Variants in SGIP1 observed in about 807,000 individuals in gnomAD.
SGIP1 encodes SH3GL interacting endocytic adaptor 1, also known as SH3-containing GRB2-like protein 3-interacting protein 1.
A neutral mutation model predicts 107.5 loss-of-function variants in SGIP1; 38 were observed. The observed-to-expected ratio is 0.35, with a 90% CI of 0.27 to 0.46. SGIP1 has a LOEUF of 0.46. Among genes scored for constraint, SGIP1 ranks in the 20% least tolerant of loss-of-function variants. The probability of loss-of-function intolerance (pLI) is 1.00; values close to 1 mark genes in which losing one functional copy is unlikely to be tolerated. For synonymous variants in SGIP1, 365 were observed against 366.1 expected (o/e 1.00, Z 0.03); for missense variants, 929 against 1,019.5 (o/e 0.91, Z 1.21).
At chr1:66,693,037 T>G (rs909958011) in intron 17 of SGIP1, among the ~76,000 whole-genome samples, 5 of 152,146 alleles carry the variant, frequency 3.3e-5, no homozygotes, top group African/African-American at 9.7e-5. Context: ...GGAGAAAAAC[T>G]ACTGGTTGAG....
At chr1:66,642,715 T>C in intron 5 of SGIP1, 95 bp from the exon 6 acceptor site, 1 of 1,075,152 alleles carries the variant, frequency 9.3e-7, no homozygotes, top group South Asian at 2.0e-5. Flanking sequence ...AAGAAAAGAC[T>C]TTTCTATATC....
intron 18 of SGIP1, among the ~76,000 whole-genome samples, chr1:66,715,042 G>A (rs1276536510): frequency 1.3e-5 from 2 of 152,020 alleles, no homozygotes; most frequent in African/African-American, 2.4e-5. Flanking sequence ...TGGTATTCTT[G>A]TCAATTAAAC....
At chr1:66,653,469 G>T (rs1418769438) in intron 7 of SGIP1, among the ~76,000 whole-genome samples, 1 of 152,122 alleles carries the variant, frequency 6.6e-6, no homozygotes, top group African/African-American at 2.4e-5. Context: ...ATTAATGTTG[G>T]TTGTACCTTC....
chr1:66,693,666 CAT>C (rs1220010171), intron 17 of SGIP1, among the ~76,000 whole-genome samples: 2 of 152,138 alleles, frequency 1.3e-5, no homozygotes, highest in African/African-American at 2.4e-5. Context: ...TAAAATCCCA[CAT>C]AGAGTCAAAA....
At chr1:66,721,198 T>C (rs573697709) in intron 19 of SGIP1, among the ~76,000 whole-genome samples, 2 of 152,336 alleles carry the variant, frequency 1.3e-5, no homozygotes, top group African/African-American at 2.4e-5. Context: ...AGCATACGTC[T>C]GAACTGTTAA....
chr1:66,687,301 A>G (rs1226014827), intron 15 of SGIP1, among the ~76,000 whole-genome samples: 1 of 150,954 alleles, frequency 6.6e-6, no homozygotes, highest in African/African-American at 2.4e-5. Flanking sequence ...TCAACACCAA[A>G]AAAAAAAAAA....
At chr1:66,688,673 G>T (rs1328684522) in intron 15 of SGIP1, among the ~76,000 whole-genome samples, 2 of 152,190 alleles carry the variant, frequency 1.3e-5, no homozygotes, top group East Asian at 3.8e-4. Context: ...ACAGTCAAAA[G>T]CATAATTCTC....
At chr1:66,694,817 G>A in intron 17 of SGIP1, 1 of 294,430 alleles carries the variant, frequency 3.4e-6, no homozygotes, top group Non-Finnish European at 6.2e-6. Context: ...TCCGGTCACT[G>A]CTTTTTAATT....
chr1:66,739,748 A>G (rs561921114), intron 22 of SGIP1, among the ~76,000 whole-genome samples: 37 of 152,358 alleles, frequency 2.4e-4, no homozygotes, highest in African/African-American at 8.9e-4. Flanking sequence ...GTGCTAAAGG[A>G]ACAGGCTGGA....
intron 7 of SGIP1, among the ~76,000 whole-genome samples, chr1:66,644,566 G>T (rs1011410660): frequency 9.5e-6 from 1 of 104,816 alleles, no homozygotes; most frequent in Non-Finnish European, 1.8e-5. Flanking sequence ...AGAGAGATGT[G>T]ATCTCGTACA....
intron 1 of SGIP1, among the ~76,000 whole-genome samples, chr1:66,549,785 T>C (rs1209820127): frequency 2.0e-5 from 3 of 152,286 alleles, no homozygotes; most frequent in Admixed American, 1.3e-4. Flanking sequence ...GCTTGCCTAG[T>C]TTCTGACCAG....
At chr1:66,737,088 T>A (rs1405898198) in intron 21 of SGIP1, among the ~76,000 whole-genome samples, 2 of 152,152 alleles carry the variant, frequency 1.3e-5, no homozygotes, top group Non-Finnish European at 2.9e-5. Flanking sequence ...GCTTTATGCT[T>A]TGGGAGAAAT....
chr1:66,738,613 A>G lies in SGIP1; in HGVS notation c.2032-722A>G, dbSNP rs149444108. Among the ~76,000 whole-genome samples the G allele has an allele frequency of 6.7e-3, 1,016 of 152,324 alleles. 11 individuals are homozygous for G. The highest frequency in any genetic ancestry group is 8.6e-3 in the Non-Finnish European group (587 of 68,032). On this transcript the variant is annotated intron_variant, in intron 21 of 24. Coordinates refer to ENST00000371037, the MANE Select transcript of SGIP1 (RefSeq NM_032291.4). ...ACAGCTGATTCTAATTAGTATCAAC[A>G]GTAGATTCTAGCACTGTAGCACTTC... is the stretch of plus-strand genomic sequence containing the variant.
chr1:66,631,309 A>C (rs72918466), intron 2 of SGIP1, among the ~76,000 whole-genome samples: 2,714 of 152,252 alleles, frequency 0.018, 76 homozygotes, highest in African/African-American at 0.062. Context: ...CACCTGGCTC[A>C]TTACAAGCAC....
chr1:66,741,157 C>A (rs2094435652), intron 23 of SGIP1, 115 bp from the exon 24 acceptor site: 2 of 1,098,782 alleles, frequency 1.8e-6, no homozygotes, highest in Admixed American at 5.7e-5. Flanking sequence ...ATTTAATCAC[C>A]ATTTTGTCAA....
At chr1:66,715,890 T>C (rs2093211231) in intron 18 of SGIP1, among the ~76,000 whole-genome samples, 1 of 152,134 alleles carries the variant, frequency 6.6e-6, no homozygotes, top group African/African-American at 2.4e-5. Flanking sequence ...ACCTCAAAAA[T>C]ATAAGAAAAT....
At chr1:66,678,076 C>T (rs529229284) in intron 13 of SGIP1, among the ~76,000 whole-genome samples, 3 of 152,296 alleles carry the variant, frequency 2.0e-5, no homozygotes, top group African/African-American at 7.2e-5. Context: ...ATAGGAAAAA[C>T]ATCATTATCA....
intron 1 of SGIP1, among the ~76,000 whole-genome samples, chr1:66,574,671 C>T (rs189165538): frequency 1.3e-5 from 2 of 152,286 alleles, no homozygotes; most frequent in African/African-American, 4.8e-5. Context: ...ATCCTTGTTA[C>T]TTCCCCTTCT....
At chr1:66,624,457 C>A (rs2072091626) in intron 1 of SGIP1, among the ~76,000 whole-genome samples, 1 of 152,026 alleles carries the variant, frequency 6.6e-6, no homozygotes. Context: ...TATGGGAGGA[C>A]TTTTTTAAAA....
Sources: allele counts gnomAD v4.1 joint callset (sites outside exome capture counted in the v4.1 genomes callset), GRCh38; gene constraint gnomAD v4.1.1; transcripts MANE v1.5; gene names NCBI Gene and HGNC (gene_info 2026-07-23, HGNC 2026-07-21).